Variants in CYTH1 observed in about 807,000 individuals in gnomAD.
CYTH1 encodes cytohesin-1.
CYTH1 carries 18 observed loss-of-function variants against 61.8 expected under a neutral mutation model. The ratio of observed to expected loss-of-function variants is 0.29; its 90% CI spans 0.20 to 0.43. CYTH1 has a LOEUF of 0.43. CYTH1 is among the 20% of genes least tolerant of loss of function. The pLI, the probability that CYTH1 is intolerant of heterozygous loss-of-function variation, is 1.00. For synonymous variants in CYTH1, 174 were observed against 184.3 expected, an observed-to-expected ratio of 0.94 and a Z score of 0.45; for missense variants, 336 against 510.5, an observed-to-expected ratio of 0.66 and a Z score of 3.29.
At chr17:78,690,000 G>A (rs1216661187) in intron 11 of CYTH1, among the ~76,000 whole-genome samples, 3 of 151,716 alleles carry the variant, frequency 2.0e-5, no homozygotes, top group East Asian at 1.9e-4. Flanking sequence ...CACTGAATTC[G>A]TTCTGCCCCT....
chr17:78,708,896 TAAATC>T (rs1011119710), intron 2 of CYTH1: 2 of 152,354 alleles, frequency 1.3e-5, no homozygotes, highest in Admixed American at 6.5e-5. Flanking sequence ...AAAATATACT[TAAATC>T]AACTCCAGAG....
intron 1 of CYTH1, chr17:78,737,104 C>T (rs2093323771): frequency 6.6e-6 from 1 of 152,296 alleles, no homozygotes; most frequent in Non-Finnish European, 1.5e-5. Flanking sequence ...ATAGCCAGGA[C>T]TCACTGCTGT....
At chr17:78,759,757 T>C (rs1169013835) in intron 1 of CYTH1, among the ~76,000 whole-genome samples, 1 of 152,170 alleles carries the variant, frequency 6.6e-6, no homozygotes, top group Admixed American at 6.5e-5. Context: ...CCTACAATCA[T>C]GGACGCACAA....
intron 1 of CYTH1, among the ~76,000 whole-genome samples, chr17:78,779,113 G>C (rs750055158): frequency 6.6e-6 from 1 of 151,976 alleles, no homozygotes; most frequent in South Asian, 2.1e-4. Context: ...TGTAGAAAGG[G>C]GAACAGGCCA....
intron 1 of CYTH1, among the ~76,000 whole-genome samples, chr17:78,722,259 C>T (rs976586135): frequency 3.3e-5 from 5 of 152,182 alleles, no homozygotes; most frequent in Non-Finnish European, 5.9e-5. Context: ...TCTAAAAGCT[C>T]ACAGTGACAA....
chr17:78,732,827 G>A (rs181480190), intron 1 of CYTH1, among the ~76,000 whole-genome samples: 108 of 152,144 alleles, frequency 7.1e-4, no homozygotes, highest in African/African-American at 2.2e-3. Context: ...GGTGGCTCCC[G>A]CCTGTAATCC....
chr17:78,763,481 C>A lies in CYTH1; in HGVS notation c.22+18721G>T, dbSNP rs56821397. Among the ~76,000 whole-genome samples the A allele has an allele frequency of 5.8e-3, 890 of 152,170 alleles. 39 individuals carry two copies. The East Asian group carries it at 0.11, about 19-fold the overall frequency. On this transcript the variant is annotated intron_variant, in intron 1 of 13. Transcript: ENST00000446868. ...TACTTTCCAAGACCCCCCACGGATG[C>A]CTAGACCACAAATAGTAGTGAACCC...
intron 1 of CYTH1, among the ~76,000 whole-genome samples, chr17:78,743,282 C>T (rs141942369): frequency 8.5e-5 from 13 of 152,266 alleles, no homozygotes; most frequent in South Asian, 6.2e-4. Flanking sequence ...CCATCATCTC[C>T]GTCCACTCAC....
chr17:78,712,527 G>T (rs1046354619), intron 1 of CYTH1, among the ~76,000 whole-genome samples: 5 of 151,816 alleles, frequency 3.3e-5, no homozygotes, highest in African/African-American at 1.2e-4. Flanking sequence ...ATGGTGGCAG[G>T]TGCCTGTAAT....
chr17:78,701,835 C>T (rs1598850262), intron 5 of CYTH1, 84 bp from the exon 6 acceptor site: 3 of 1,382,090 alleles, frequency 2.2e-6, no homozygotes, highest in Non-Finnish European at 3.1e-6. Flanking sequence ...ATGTCTCCTA[C>T]ACTGCGTCCT....
chr17:78,749,496 G>T (rs1403197532), intron 1 of CYTH1, among the ~76,000 whole-genome samples: 2 of 151,784 alleles, frequency 1.3e-5, no homozygotes, highest in Non-Finnish European at 2.9e-5. Flanking sequence ...GCCAAGTTTG[G>T]TGGGTGTGCC....
intron 1 of CYTH1, among the ~76,000 whole-genome samples, chr17:78,758,329 T>C (rs1184971184): frequency 6.6e-6 from 1 of 152,168 alleles, no homozygotes; most frequent in African/African-American, 2.4e-5. Flanking sequence ...GCTGGCGACA[T>C]GAAGTTGGTC....
rs755629315 is a variant in CYTH1, at chr17:78,760,517, G to GTA, written c.22+21683_22+21684dup. ...TATATACATATATATGTATATATAT[G>GTA]TATATATATATATACATACATATAT... On this transcript the variant is annotated intron_variant, in intron 1 of 13. Coordinates refer to ENST00000446868, the MANE Select transcript of CYTH1 (RefSeq NM_004762.6). Among the ~76,000 whole-genome samples, 376 of 29,662 alleles carry GTA rather than the reference G, an allele frequency of 0.013. 60 individuals carry two copies. In the East Asian group the frequency reaches 0.23, roughly 18 times the overall value. The allele number at this position is 29,662 out of a possible 152,430, so 19.5% of individuals were successfully genotyped here.
At chr17:78,702,463 G>A (rs899847519) in intron 4 of CYTH1, 75 bp downstream of exon 4, 42 of 1,499,604 alleles carry the variant, frequency 2.8e-5, no homozygotes, top group African/African-American at 8.4e-5. Flanking sequence ...GGAAAAAAAC[G>A]TTTTTAGGGT....
chr17:78,770,046 A>G (rs973416257), intron 1 of CYTH1, among the ~76,000 whole-genome samples: 9 of 152,178 alleles, frequency 5.9e-5, no homozygotes, highest in Admixed American at 5.2e-4. Context: ...GTTACTCGGG[A>G]AGCTGAGGCA....
In CYTH1 at chr17:78,680,245, A is replaced by C. The variant is rs750104667; in HGVS notation, c.1063T>G (p.Tyr355Asp). The change falls in exon 13 of 14, where the codon TAC becomes GAC. Residue 355 changes from tyrosine to aspartate, a missense_variant. By Grantham distance (160) the Tyr-to-Asp change is radical (BLOSUM62 -3). Coordinates refer to ENST00000446868, the MANE Select transcript of CYTH1 (RefSeq NM_004762.6). Reference protein sequence around the residue: ...GRVVEGNHTVYRISAPTPEEK... With the variant: ...GRVVEGNHTVDRISAPTPEEK... The stretch of plus-strand genomic sequence containing the variant: ...TCGGGCGTCGGAGCTGAGATCCGGT[A>C]AACAGTGTGGTTCCCCTCCACCACC... 6.2e-7 allele frequency: 1 copy of C among 1,614,164 alleles called. No individual in the cohort carries two copies. The highest frequency in any genetic ancestry group is 8.5e-7 in the Non-Finnish European group (1 of 1,180,020).
chr17:78,740,774 G>A (rs1169520644), intron 1 of CYTH1, among the ~76,000 whole-genome samples: 1 of 152,166 alleles, frequency 6.6e-6, no homozygotes, highest in African/African-American at 2.4e-5. Flanking sequence ...ACATCAGGCA[G>A]TCAGCATAAA....
intron 13 of CYTH1, chr17:78,676,394 G>T (rs905022954): frequency 8.3e-5 from 46 of 555,130 alleles, no homozygotes; most frequent in South Asian, 3.5e-4. Context: ...GAAAATTTTG[G>T]GGTTTTTACC....
chr17:78,753,663 T>C (rs761264938), intron 1 of CYTH1, among the ~76,000 whole-genome samples: 5 of 152,116 alleles, frequency 3.3e-5, no homozygotes, highest in East Asian at 1.9e-4. Context: ...CAGAAGACAG[T>C]GTATAATAAG....
Sources: allele counts gnomAD v4.1 joint callset (sites outside exome capture counted in the v4.1 genomes callset), GRCh38; gene constraint gnomAD v4.1.1; transcripts MANE v1.5; gene names NCBI Gene and HGNC (gene_info 2026-07-23, HGNC 2026-07-21).